Variants in IQCJ observed in about 807,000 individuals in gnomAD.
IQCJ encodes the protein IQ motif containing J.
IQCJ carries 9 observed loss-of-function variants against 11.0 expected under a neutral mutation model. That is an observed-to-expected ratio of 0.82 (90% confidence interval 0.49 to 1.43). The LOEUF is 1.43. IQCJ is among the 40% of genes most tolerant of loss of function. The probability of loss-of-function intolerance (pLI) is 0.00; values close to 1 mark genes in which losing one functional copy is unlikely to be tolerated. For synonymous variants in IQCJ, 55 were observed against 51.3 expected (o/e 1.07, Z -0.31); for missense variants, 146 against 133.2 (o/e 1.10, Z -0.47).
At chr3:159,205,374 T>C (rs1192021633) in intron 1 of IQCJ, among the ~76,000 whole-genome samples, 3 of 152,216 alleles carry the variant, frequency 2.0e-5, no homozygotes, top group Non-Finnish European at 4.4e-5. Context: ...AGCATCAATG[T>C]GTGACAACAT....
intron 2 of IQCJ, among the ~76,000 whole-genome samples, chr3:159,249,750 C>G (rs1370468109): frequency 6.6e-6 from 1 of 152,180 alleles, no homozygotes; most frequent in Non-Finnish European, 1.5e-5. Context: ...ATAGTGGTGT[C>G]AGAACAGTTG....
intron 1 of IQCJ, among the ~76,000 whole-genome samples, chr3:159,208,565 G>C (rs1463849502): frequency 6.6e-6 from 1 of 152,128 alleles, no homozygotes; most frequent in Non-Finnish European, 1.5e-5. Context: ...TTAAATAATG[G>C]ACTGAGGTCT....
chr3:159,104,451 A>G (rs1718122851), intron 1 of IQCJ, among the ~76,000 whole-genome samples: 1 of 152,224 alleles, frequency 6.6e-6, no homozygotes, highest in African/African-American at 2.4e-5. Flanking sequence ...GTGTAATTGT[A>G]TGTGTTAATG....
chr3:159,178,403 A>G (rs1202599175), intron 1 of IQCJ, among the ~76,000 whole-genome samples: 1 of 152,170 alleles, frequency 6.6e-6, no homozygotes, highest in Non-Finnish European at 1.5e-5. Flanking sequence ...ACTTACTCTG[A>G]CAACTGAAGG....
At chr3:159,155,434 A>G (rs2108209742) in intron 1 of IQCJ, among the ~76,000 whole-genome samples, 1 of 152,332 alleles carries the variant, frequency 6.6e-6, no homozygotes, top group East Asian at 1.9e-4. Context: ...TTGGGATTAC[A>G]GGCGTGAGCC....
chr3:159,171,529 A>G (rs1323910546), intron 1 of IQCJ, among the ~76,000 whole-genome samples: 2 of 152,208 alleles, frequency 1.3e-5, no homozygotes, highest in Non-Finnish European at 2.9e-5. Context: ...TGCAGATTCA[A>G]GAATCATGCG....
At chr3:159,070,351 A>G (rs1440682360) in intron 1 of IQCJ, among the ~76,000 whole-genome samples, 1 of 152,124 alleles carries the variant, frequency 6.6e-6, no homozygotes, top group Non-Finnish European at 1.5e-5. Flanking sequence ...TGAGATTTAC[A>G]TCCTTGGGAC....
chr3:159,217,658 T>C (rs1725307279), intron 1 of IQCJ, among the ~76,000 whole-genome samples: 1 of 152,168 alleles, frequency 6.6e-6, no homozygotes, highest in Non-Finnish European at 1.5e-5. Context: ...TTCTTCTACT[T>C]TGTTTCCACT....
rs1728325606 is a variant in IQCJ at position 159,263,289 on chromosome 3, C to T, written c.*558C>T. 1 of 367,370 alleles carries T rather than the reference C, an allele frequency of 2.7e-6. No homozygotes were observed. Among genetic ancestry groups the T allele is most frequent in the Non-Finnish European group, 3.8e-6 (1 of 265,424 alleles). The allele number at this position is 367,370 out of a possible 1,614,324, so 22.8% of individuals were successfully genotyped here. ...CAAATGTGATTTTCTTTCTTCAGGA[C>T]ATGTCAGAAATCTGCATTTTTAAGT... On this transcript the variant is annotated 3_prime_UTR_variant, in exon 4 of 4. Coordinates refer to ENST00000397832, the MANE Select transcript of IQCJ (RefSeq NM_001042706.3).
chr3:159,246,270 C>T (rs1372134250), intron 2 of IQCJ, among the ~76,000 whole-genome samples: 2 of 152,132 alleles, frequency 1.3e-5, no homozygotes, highest in African/African-American at 2.4e-5. Context: ...ACAGACTGAA[C>T]ATTCAAATTA....
chr3:159,225,314 C>T (rs536960042), intron 1 of IQCJ, among the ~76,000 whole-genome samples: 3 of 151,954 alleles, frequency 2.0e-5, no homozygotes, highest in South Asian at 2.1e-4. Flanking sequence ...TAAATTCACT[C>T]GAATATTCTT....
chr3:159,178,960 T>C (rs1036318127), intron 1 of IQCJ, among the ~76,000 whole-genome samples: 2 of 152,104 alleles, frequency 1.3e-5, no homozygotes, highest in Admixed American at 1.3e-4. Context: ...TGACATATCT[T>C]TGTGTGTGTG....
intron 1 of IQCJ, among the ~76,000 whole-genome samples, chr3:159,173,962 C>G (rs1722636904): frequency 1.3e-5 from 2 of 152,016 alleles, no homozygotes; most frequent in South Asian, 4.1e-4. Flanking sequence ...CTATATGTAT[C>G]TTAATTCTTT....
intron 1 of IQCJ, among the ~76,000 whole-genome samples, chr3:159,233,728 A>G (rs1726407185): frequency 1.3e-5 from 2 of 152,208 alleles, no homozygotes; most frequent in South Asian, 4.1e-4. Flanking sequence ...AGGAATGACA[A>G]GACAAGTAAG....
intron 1 of IQCJ, among the ~76,000 whole-genome samples, chr3:159,071,914 A>T (rs1363523467): frequency 6.6e-6 from 1 of 152,158 alleles, no homozygotes; most frequent in Non-Finnish European, 1.5e-5. Context: ...TGTCTTAACA[A>T]ACATTTTATT....
intron 1 of IQCJ, among the ~76,000 whole-genome samples, chr3:159,121,199 T>A (rs1249287716): frequency 6.6e-6 from 1 of 151,340 alleles, no homozygotes. Flanking sequence ...AGTGGCATGA[T>A]CATGGCTCAC....
chr3:159,223,764 G>A (rs1029731370), intron 1 of IQCJ, among the ~76,000 whole-genome samples: 2 of 152,068 alleles, frequency 1.3e-5, no homozygotes, highest in African/African-American at 4.8e-5. Context: ...AACTTCCTGA[G>A]CACCAACATG....
rs965997391 is a variant in IQCJ at position 159,263,606 on chromosome 3, T to C, written c.*875T>C. On this transcript the variant is annotated 3_prime_UTR_variant, in exon 4 of 4. Coordinates refer to ENST00000397832, the MANE Select transcript of IQCJ (RefSeq NM_001042706.3). ...ACAAGTATATTACTTCCAAAAATTT[T>C]TCTTTTACTTTTGGTTATCATGTTT... 6.1e-6 allele frequency: 6 copies of C among 985,082 alleles called. No homozygotes were observed. The highest frequency in any genetic ancestry group is 7.2e-6 in the Non-Finnish European group (6 of 829,590). The allele number at this position is 985,082 out of a possible 1,614,324, so 61.0% of individuals were successfully genotyped here. A position where few individuals can be genotyped will look rare whatever the true frequency, so the allele number is the denominator to read the frequency against.
At chr3:159,126,066 C>T (rs1719663913) in intron 1 of IQCJ, among the ~76,000 whole-genome samples, 2 of 152,222 alleles carry the variant, frequency 1.3e-5, no homozygotes, top group South Asian at 4.1e-4. Context: ...TCAACTCCTT[C>T]TGTTGAAATT....
Sources: allele counts gnomAD v4.1 joint callset (sites outside exome capture counted in the v4.1 genomes callset), GRCh38; gene constraint gnomAD v4.1.1; transcripts MANE v1.5; gene names NCBI Gene and HGNC (gene_info 2026-07-23, HGNC 2026-07-21).